Variants in KDM6A observed in about 807,000 individuals in gnomAD.
KDM6A encodes lysine-specific demethylase 6A.
In KDM6A, 11 loss-of-function variants were observed where a neutral mutation model predicts 117.6. The observed-to-expected ratio is 0.09, with a 90% CI of 0.06 to 0.15. KDM6A has a LOEUF of 0.15. Ranked by LOEUF, KDM6A falls within the 10% of genes least tolerant of loss-of-function variation. The probability of loss-of-function intolerance (pLI) is 1.00; values close to 1 mark genes in which losing one functional copy is unlikely to be tolerated. For missense variants in KDM6A, 799 were observed against 1,077.3 expected, an observed-to-expected ratio of 0.74 and a Z score of 3.62; for synonymous variants, 384 against 396.1, an observed-to-expected ratio of 0.97 and a Z score of 0.36.
intron 2 of KDM6A, among the ~76,000 whole-genome samples, chrX:44,915,808 AT>A (rs966112514): frequency 2.7e-5 from 3 of 111,545 alleles, no homozygotes; most frequent in African/African-American, 9.8e-5. Flanking sequence ...AGTAACCCTT[AT>A]TTGACTTGAT....
chrX:45,027,854 C>T (rs1171979426), intron 6 of KDM6A, among the ~76,000 whole-genome samples: 2 of 107,986 alleles, frequency 1.9e-5, no homozygotes, highest in Admixed American at 1.0e-4. Flanking sequence ...AGTGCAATGG[C>T]GCGATCTCGG....
At chrX:44,910,308 T>C (rs189537698) in intron 2 of KDM6A, among the ~76,000 whole-genome samples, 47 of 111,695 alleles carry the variant, frequency 4.2e-4, no homozygotes, top group Admixed American at 3.7e-3. Context: ...TGCCTCAGCC[T>C]CCGAGTAGCT....
chrX:44,900,682 A>C (rs2034281260), intron 2 of KDM6A, among the ~76,000 whole-genome samples: 1 of 111,174 alleles, frequency 9.0e-6, no homozygotes, highest in South Asian at 3.8e-4. Context: ...GCGGATCATG[A>C]GGTCAGGAGT....
chrX:45,057,445 T>C (rs1426434838), intron 10 of KDM6A, among the ~76,000 whole-genome samples: 6 of 111,671 alleles, frequency 5.4e-5, no homozygotes, highest in African/African-American at 1.6e-4. Context: ...GTTTCTCTTA[T>C]CTTTTTTTTC....
At chrX:44,966,866 TC>T (rs2039039918) in intron 3 of KDM6A, among the ~76,000 whole-genome samples, 1 of 93,630 alleles carries the variant, frequency 1.1e-5, no homozygotes, top group African/African-American at 5.5e-5. Context: ...TCTCTCTCTC[TC>T]TCTTTTTTTT....
chrX:45,090,947 G>A (rs758750671), intron 27 of KDM6A, 83 bp downstream of exon 27: 19 of 1,001,611 alleles, frequency 1.9e-5, no homozygotes, highest in African/African-American at 3.8e-5. Context: ...TTAGAATTAC[G>A]TTGACATCAA....
At chrX:44,992,819 TAC>T (rs2040686369) in intron 4 of KDM6A, among the ~76,000 whole-genome samples, 1 of 111,206 alleles carries the variant, frequency 9.0e-6, no homozygotes, top group Non-Finnish European at 1.9e-5. Context: ...GTGCTGGGAT[TAC>T]AGTCATGAGC....
At chrX:45,007,502 C>T (rs1253023602) in intron 4 of KDM6A, among the ~76,000 whole-genome samples, 1 of 105,717 alleles carries the variant, frequency 9.5e-6, no homozygotes, top group Admixed American at 9.8e-5. Context: ...TGCTTACAAA[C>T]GTGTCTTGAA....
In KDM6A at chrX:45,089,876, G is replaced by T. The variant is rs1171103101; in HGVS notation, c.3838G>T (p.Val1280Phe). The T allele has an allele frequency of 2.5e-6, 3 of 1,209,111 alleles. No homozygotes were observed. The highest frequency in any genetic ancestry group is 3.4e-6 in the Non-Finnish European group (3 of 894,867). ...VWINAGTVHW[V>F]QAIGWCNNIA... is the part of the protein sequence containing the mutation. ...GATAAATGCAGGCACTGTTCATTGG[G>T]TTCAGGCTATTGGCTGGTGCAACAA... The change falls in exon 26 of 30, where the codon GTT becomes TTT. Residue 1280 changes from valine (V) to phenylalanine (F), a missense_variant. Coordinates refer to ENST00000611820, the MANE Select transcript of KDM6A (RefSeq NM_001291415.2).
intron 5 of KDM6A, among the ~76,000 whole-genome samples, chrX:45,014,073 A>G (rs1190465837): frequency 1.8e-5 from 2 of 111,669 alleles, no homozygotes; most frequent in African/African-American, 6.5e-5. Context: ...ATGATGTTTC[A>G]GAGTGTTGTA....
At chrX:45,024,604 T>C (rs1296902553) in intron 6 of KDM6A, among the ~76,000 whole-genome samples, 2 of 111,870 alleles carry the variant, frequency 1.8e-5, no homozygotes, top group African/African-American at 6.5e-5. Flanking sequence ...CTGATTACTC[T>C]GCTGATTATT....
chrX:44,883,665 C>T (rs934466647), intron 2 of KDM6A, among the ~76,000 whole-genome samples: 11 of 110,855 alleles, frequency 9.9e-5, no homozygotes, highest in Non-Finnish European at 1.9e-4. Context: ...TGAGCCACCC[C>T]GCCTGGCCTG....
chrX:45,057,693 G>GT (rs1334080468), intron 10 of KDM6A, among the ~76,000 whole-genome samples: 1 of 110,836 alleles, frequency 9.0e-6, no homozygotes, highest in Non-Finnish European at 1.9e-5. Flanking sequence ...GTGCTTTCTT[G>GT]TATATACATT....
At chrX:45,098,288 C>T (rs1397465078) in intron 27 of KDM6A, among the ~76,000 whole-genome samples, 1 of 112,236 alleles carries the variant, frequency 8.9e-6, no homozygotes, top group Non-Finnish European at 1.9e-5. Flanking sequence ...TGTTGGATCA[C>T]TTGGTAGCAA....
intron 2 of KDM6A, among the ~76,000 whole-genome samples, chrX:44,915,584 CAG>C (rs1190272349): frequency 1.4e-4 from 16 of 112,159 alleles, no homozygotes; most frequent in Non-Finnish European, 2.8e-4. Flanking sequence ...TAACTGCAGT[CAG>C]AAAATATTAA....
chrX:44,963,686 A>G (rs1012821015), intron 3 of KDM6A, among the ~76,000 whole-genome samples: 46 of 110,125 alleles, frequency 4.2e-4, no homozygotes, highest in South Asian at 1.6e-3. Flanking sequence ...AAAGTCATCT[A>G]TGGGGAGGGA....
chrX:44,941,457 G>T (rs961945121), intron 2 of KDM6A, among the ~76,000 whole-genome samples: 1 of 105,680 alleles, frequency 9.5e-6, no homozygotes, highest in African/African-American at 3.5e-5. Context: ...CTCTTCCATC[G>T]TTGTATATAT....
At position 45,020,734 on chromosome X, in the gene KDM6A, G is replaced by T. The variant is rs2042138987; in HGVS notation, c.564+4G>T. ...AGACTATGAGTCTAGTTTAAAGGTA[G>T]GTTGTTGGGTTTTTTCAAGATACAA... On this transcript the variant is annotated splice_donor_region_variant and intron_variant, in intron 6 of 29. Transcript: ENST00000611820. 8.3e-7 allele frequency: 1 copy of T among 1,205,677 alleles called. No homozygotes were observed. The highest frequency in any genetic ancestry group is 1.1e-6 in the Non-Finnish European group (1 of 892,305).
At chrX:44,986,582 A>C (rs1282560230) in intron 4 of KDM6A, among the ~76,000 whole-genome samples, 1 of 111,275 alleles carries the variant, frequency 9.0e-6, no homozygotes, top group South Asian at 3.8e-4. Flanking sequence ...ACTGCTTTGA[A>C]TGTGTCCCAG....
Sources: gnomAD v4.1 joint callset for allele counts (sites outside exome capture counted in the v4.1 genomes callset) on GRCh38, gnomAD v4.1.1 for gene constraint, MANE v1.5 for transcripts, NCBI Gene and HGNC (gene_info 2026-07-23, HGNC 2026-07-21) for gene names.